The following EPB41L2 variants were observed in gnomAD, a reference collection of about 807,000 sequenced individuals.
EPB41L2 encodes erythrocyte membrane protein band 4.1 like 2.
EPB41L2 carries 43 observed loss-of-function variants against 113.0 expected under a neutral mutation model. The ratio of observed to expected loss-of-function variants is 0.38; its 90% CI spans 0.30 to 0.49. The LOEUF (loss-of-function observed/expected upper bound fraction) is 0.49, where lower values mean the gene tolerates loss of function less well. Ranked by LOEUF, EPB41L2 falls within the 20% of genes least tolerant of loss-of-function variation. The probability of loss-of-function intolerance (pLI) is 0.95; values close to 1 mark genes in which losing one functional copy is unlikely to be tolerated. For synonymous variants in EPB41L2, 442 were observed against 436.7 expected, an observed-to-expected ratio of 1.01 and a Z score of -0.15; for missense variants, 1,147 against 1,223.4, an observed-to-expected ratio of 0.94 and a Z score of 0.93.
At chr6:130,899,216 G>GA (rs11392700) in intron 8 of EPB41L2, among the ~76,000 whole-genome samples, 9,857 of 145,856 alleles carry the variant, frequency 0.068, 1,056 homozygotes, top group African/African-American at 0.22. Flanking sequence ...GATAAGCGGT[G>GA]AAAAAAAAAA....
chr6:130,848,195 T>A (rs1254517730), intron 19 of EPB41L2, among the ~76,000 whole-genome samples: 105 of 110,738 alleles, frequency 9.5e-4, no homozygotes, highest in African/African-American at 4.8e-3. Flanking sequence ...TCTCTCTCTC[T>A]CTCTCACACA....
At chr6:130,906,312 C>T (rs568562154) in intron 5 of EPB41L2, among the ~76,000 whole-genome samples, 1 of 149,792 alleles carries the variant, frequency 6.7e-6, no homozygotes, top group Admixed American at 6.7e-5. Context: ...ACCAATAATG[C>T]TAAGCTTTTT....
chr6:130,885,383 G>GAGA (rs1790614498), intron 11 of EPB41L2, 115 bp from the exon 12 acceptor site: 1 of 917,870 alleles, frequency 1.1e-6, no homozygotes, highest in African/African-American at 1.7e-5. Flanking sequence ...AACAGGAACA[G>GAGA]AGACATTGCT....
chr6:131,025,541 T>C (rs1253799038), intron 1 of EPB41L2, among the ~76,000 whole-genome samples: 1 of 152,200 alleles, frequency 6.6e-6, no homozygotes, highest in Non-Finnish European at 1.5e-5. Flanking sequence ...CATCTCCACT[T>C]GGATGATCTA....
rs144085099 is a variant in EPB41L2 at position 130,968,867 on chromosome 6, GT to G, written c.-14-12369del. 8.3e-3 allele frequency among the ~76,000 whole-genome samples: 1,252 copies of G among 151,558 alleles called. 27 individuals carry two copies. The highest frequency in any genetic ancestry group is 0.029 in the African/African-American group (1,205 of 41,284). ...GTTTTTACTTCAGTGAAATGTATTT[GT>G]TTTTTTAGAGGTAAAATTCTTGAAG... On this transcript the variant is annotated intron_variant, in intron 1 of 19. Transcript: ENST00000337057.
intron 1 of EPB41L2, among the ~76,000 whole-genome samples, chr6:130,990,139 G>T (rs981959853): frequency 1.3e-5 from 2 of 152,130 alleles, no homozygotes; most frequent in African/African-American, 2.4e-5. Flanking sequence ...TGGCTAAAAT[G>T]GCGAAACCCT....
At position 130,878,124 on chromosome 6, in the gene EPB41L2, G is replaced by A; in HGVS notation, c.2023C>T (p.Leu675=). ...NEWEKRRITP[L]SLQTQGSSHE... ...CATACCCCTTGTGTCTGTAGGGACA[G>A]AGGTGTGATACGTCGTTTTTCCCAT... Residue 675 remains leucine (L), a synonymous_variant, in exon 14 of 20, where the codon CTG becomes TTG. Coordinates refer to ENST00000337057, the MANE Select transcript of EPB41L2 (RefSeq NM_001431.4). The A allele has an allele frequency of 6.2e-7, 1 of 1,613,074 alleles. No homozygotes were observed. Among genetic ancestry groups the A allele is most frequent in the South Asian group, 1.1e-5 (1 of 90,826 alleles).
intron 1 of EPB41L2, among the ~76,000 whole-genome samples, chr6:131,016,250 A>T (rs1263590481): frequency 1.3e-5 from 2 of 152,200 alleles, no homozygotes; most frequent in Admixed American, 6.5e-5. Flanking sequence ...GTGGAATTTT[A>T]AAATAATCAT....
At chr6:130,864,001 C>A (rs1212800899) in intron 17 of EPB41L2, among the ~76,000 whole-genome samples, 1 of 152,192 alleles carries the variant, frequency 6.6e-6, no homozygotes, top group African/African-American at 2.4e-5. Flanking sequence ...CCATCTTAAT[C>A]TCACTTGATT....
At chr6:130,935,323 C>A (rs1415603635) in intron 3 of EPB41L2, among the ~76,000 whole-genome samples, 2 of 152,122 alleles carry the variant, frequency 1.3e-5, no homozygotes, top group Non-Finnish European at 2.9e-5. Flanking sequence ...GCCCTTCTTA[C>A]TTGTTATATA....
chr6:130,894,279 T>C (rs1793883190), intron 10 of EPB41L2, 65 bp downstream of exon 10: 1 of 1,324,450 alleles, frequency 7.6e-7, no homozygotes, highest in Admixed American at 1.7e-5. Flanking sequence ...CTCTGCCTCC[T>C]GAGTCAGTGG....
intron 1 of EPB41L2, among the ~76,000 whole-genome samples, chr6:131,034,219 C>T (rs914086937): frequency 3.3e-5 from 5 of 152,022 alleles, no homozygotes; most frequent in African/African-American, 4.8e-5. Context: ...TTCCTATCTA[C>T]GAGAAACAAA....
intron 1 of EPB41L2, among the ~76,000 whole-genome samples, chr6:131,004,149 T>C (rs1393340212): frequency 1.3e-5 from 2 of 152,160 alleles, no homozygotes; most frequent in African/African-American, 4.8e-5. Context: ...CCCTGCTTCA[T>C]GATAGGTTGT....
intron 1 of EPB41L2, among the ~76,000 whole-genome samples, chr6:130,958,470 A>ACAAAC (rs202102240): frequency 9.7e-6 from 1 of 102,868 alleles, no homozygotes; most frequent in African/African-American, 4.4e-5. Context: ...AACAACAACA[A>ACAAAC]AAAAAAAAAA....
At chr6:130,908,012 A>T (rs1459885122) in intron 5 of EPB41L2, among the ~76,000 whole-genome samples, 1 of 152,192 alleles carries the variant, frequency 6.6e-6, no homozygotes, top group Non-Finnish European at 1.5e-5. Context: ...AACTGCCTGT[A>T]GCTGCCTACC....
At chr6:131,045,948 CTTT>C (rs5880049) in intron 1 of EPB41L2, among the ~76,000 whole-genome samples, 29 of 138,632 alleles carry the variant, frequency 2.1e-4, no homozygotes, top group Non-Finnish European at 2.5e-4. Flanking sequence ...TTCTTTCTCT[CTTT>C]TTTTTTTTTT....
intron 3 of EPB41L2, among the ~76,000 whole-genome samples, chr6:130,935,853 TC>T (rs1332986134): frequency 6.6e-6 from 1 of 152,126 alleles, no homozygotes; most frequent in Non-Finnish European, 1.5e-5. Flanking sequence ...AGAAGGCTAT[TC>T]CAGGAACCAA....
intron 4 of EPB41L2, among the ~76,000 whole-genome samples, chr6:130,919,384 T>A (rs1449476324): frequency 6.6e-6 from 1 of 152,146 alleles, no homozygotes; most frequent in African/African-American, 2.4e-5. Context: ...ACTTCAGCCA[T>A]CCCCTTTCAC....
intron 1 of EPB41L2, among the ~76,000 whole-genome samples, chr6:131,040,395 C>T (rs545955291): frequency 3.1e-3 from 473 of 152,198 alleles, no homozygotes; most frequent in Non-Finnish European, 5.6e-3. Flanking sequence ...GCCGGGATTG[C>T]GCCACTGCAC....
Sources: gnomAD v4.1 joint callset for allele counts (sites outside exome capture counted in the v4.1 genomes callset) on GRCh38, gnomAD v4.1.1 for gene constraint, MANE v1.5 for transcripts, NCBI Gene and HGNC (gene_info 2026-07-23, HGNC 2026-07-21) for gene names.